Variants in MCPH1 observed in about 807,000 individuals in gnomAD.
MCPH1 encodes microcephalin 1.
Under a neutral mutation model 84.5 loss-of-function variants are expected in MCPH1, and 104 were observed. The observed-to-expected ratio is 1.23, with a 90% CI of 1.05 to 1.45. The LOEUF (loss-of-function observed/expected upper bound fraction) is 1.45, where lower values mean the gene tolerates loss of function less well. Among genes scored for constraint, MCPH1 ranks in the 40% most tolerant of loss-of-function variants. The probability of loss-of-function intolerance (pLI) is 0.00; values close to 1 mark genes in which losing one functional copy is unlikely to be tolerated. For synonymous variants in MCPH1, 514 were observed against 366.8 expected, an observed-to-expected ratio of 1.40 and a Z score of -4.58; for missense variants, 1,498 against 1,005.7, an observed-to-expected ratio of 1.49 and a Z score of -6.62.
intron 2 of MCPH1, among the ~76,000 whole-genome samples, chr8:6,412,696 CTTGTGGGAAG>C (rs1246074618): frequency 6.6e-6 from 1 of 152,120 alleles, no homozygotes; most frequent in Non-Finnish European, 1.5e-5. Flanking sequence ...TGATAAAAGC[CTTGTGGGAAG>C]ATGGTCTCAA....
chr8:6,568,200 A>C (rs574733982), intron 12 of MCPH1, among the ~76,000 whole-genome samples: 6 of 151,912 alleles, frequency 3.9e-5, no homozygotes, highest in African/African-American at 1.5e-4. Context: ...AGAAAAGCCA[A>C]AGGGCCTCCT....
intron 8 of MCPH1, among the ~76,000 whole-genome samples, chr8:6,452,756 C>A (rs1377234402): frequency 6.6e-6 from 1 of 152,212 alleles, no homozygotes; most frequent in Non-Finnish European, 1.5e-5. Context: ...AGGAAGAAAG[C>A]CTTCACCGGA....
Position 6,513,120 on chromosome 8 carries a change from G to A in MCPH1, c.2214+13191G>A, listed in dbSNP as rs184898826. ...ATGAAAGCCAATTATCTACCAGGCA[G>A]AGTTCTTCTAGGCTTTGAAGATACA... On this transcript the variant is annotated intron_variant, in intron 12 of 13. Coordinates refer to ENST00000344683, the MANE Select transcript of MCPH1 (RefSeq NM_024596.5). 4.9e-4 allele frequency among the ~76,000 whole-genome samples: 75 copies of A among 152,308 alleles called. 1 individual carries two copies. Among genetic ancestry groups the A allele is most frequent in the Admixed American group, 1.8e-3 (28 of 15,302 alleles).
chr8:6,591,613 G>A (rs1312968023), intron 12 of MCPH1, among the ~76,000 whole-genome samples: 1 of 152,170 alleles, frequency 6.6e-6, no homozygotes. Flanking sequence ...TGTGCTTTGT[G>A]GGTTGGGTGA....
intron 12 of MCPH1, among the ~76,000 whole-genome samples, chr8:6,596,264 C>T (rs962732517): frequency 3.3e-5 from 5 of 152,116 alleles, no homozygotes; most frequent in African/African-American, 9.7e-5. Flanking sequence ...TTTGGGTTTG[C>T]GTTTGCTCCC....
chr8:6,440,427 T>C (rs1322247554), intron 6 of MCPH1, among the ~76,000 whole-genome samples: 1 of 152,208 alleles, frequency 6.6e-6, no homozygotes, highest in Non-Finnish European at 1.5e-5. Flanking sequence ...AGAGTCTCCC[T>C]GTGTTGCGCA....
intron 12 of MCPH1, among the ~76,000 whole-genome samples, chr8:6,548,563 T>A (rs1285793408): frequency 6.6e-6 from 1 of 152,190 alleles, no homozygotes; most frequent in Non-Finnish European, 1.5e-5. Context: ...CCAGCCAAAC[T>A]TGCAAGGCAG....
At chr8:6,484,558 G>C (rs1324398126) in intron 11 of MCPH1, among the ~76,000 whole-genome samples, 1 of 152,240 alleles carries the variant, frequency 6.6e-6, no homozygotes, top group South Asian at 2.1e-4. Flanking sequence ...TGTTCACACA[G>C]AGTCTGTACG....
intron 11 of MCPH1, among the ~76,000 whole-genome samples, chr8:6,485,808 CAG>C (rs1410595035): frequency 6.6e-6 from 1 of 152,054 alleles, no homozygotes; most frequent in Non-Finnish European, 1.5e-5. Context: ...ATGACACAAA[CAG>C]ATATAAATAT....
chr8:6,514,416 T>C (rs1209023411), intron 12 of MCPH1, among the ~76,000 whole-genome samples: 1 of 152,148 alleles, frequency 6.6e-6, no homozygotes, highest in Non-Finnish European at 1.5e-5. Context: ...CTCAAACTCC[T>C]GACCTCAGGT....
intron 12 of MCPH1, among the ~76,000 whole-genome samples, chr8:6,515,075 T>C (rs2979672): frequency 0.36 from 54,980 of 151,092 alleles, 10,148 homozygotes; most frequent in Middle Eastern, 0.48. Flanking sequence ...TGATGGCTGG[T>C]CCAGAGATTG....
chr8:6,570,346 C>T (rs897834668), intron 12 of MCPH1, among the ~76,000 whole-genome samples: 40 of 152,294 alleles, frequency 2.6e-4, no homozygotes, highest in African/African-American at 8.7e-4. Context: ...CCGTAGAATT[C>T]CCCTTTGTAC....
Position 6,555,927 on chromosome 8 carries a change from A to C in MCPH1, c.2214+55998A>C, listed in dbSNP as rs139564523. Among the ~76,000 whole-genome samples, 653 of 152,260 alleles carry C rather than the reference A, an allele frequency of 4.3e-3. 13 individuals are homozygous for C. The highest frequency in any genetic ancestry group is 0.015 in the African/African-American group (609 of 41,546). ...TCCTAGCAGCTTCAGCACCATCCTC[A>C]CATAGAAGGGCTGGCATCTCACCTA... On this transcript the variant is annotated intron_variant, in intron 12 of 13. Transcript: ENST00000344683.
At chr8:6,500,877 T>G (rs980111129) in intron 12 of MCPH1, 8 of 152,248 alleles carry the variant, frequency 5.3e-5, no homozygotes, top group African/African-American at 1.9e-4. Flanking sequence ...TTTTATCACC[T>G]GCCTACAAAG....
At chr8:6,546,056 G>A (rs1051239485) in intron 12 of MCPH1, among the ~76,000 whole-genome samples, 1 of 152,226 alleles carries the variant, frequency 6.6e-6, no homozygotes, top group Non-Finnish European at 1.5e-5. Context: ...GTGAGTCCCA[G>A]TTCAGTTCCT....
At chr8:6,545,277 G>C (rs922636886) in intron 12 of MCPH1, among the ~76,000 whole-genome samples, 1 of 152,180 alleles carries the variant, frequency 6.6e-6, no homozygotes, top group Admixed American at 6.5e-5. Flanking sequence ...TTACATGAGT[G>C]AATCCATATT....
chr8:6,409,370 G>A lies in MCPH1; in HGVS notation c.114G>A (p.Lys38=), dbSNP rs1424158623. Residue 38 remains lysine, a splice_region_variant and synonymous_variant, in exon 2 of 14, where the codon AAG becomes AAA. Coordinates refer to ENST00000344683, the MANE Select transcript of MCPH1 (RefSeq NM_024596.5). ...FTTQLVDMGA[K]VSKTFNKQVT... is the part of the protein sequence containing the mutation. ...CACAGCTTGTGGATATGGGGGCAAA[G>A]GTAAGACACTTATTTTGCTGTTGAT... 6.2e-7 allele frequency: 1 copy of A among 1,604,838 alleles called. No individual in the cohort carries two copies. The highest frequency in any genetic ancestry group is 2.2e-5 in the East Asian group (1 of 44,796).
At chr8:6,576,722 T>TTTTTTTTC (rs1563148341) in intron 12 of MCPH1, among the ~76,000 whole-genome samples, 4 of 91,504 alleles carry the variant, frequency 4.4e-5, no homozygotes, top group African/African-American at 2.0e-4. Context: ...TTTTTTTTTT[T>TTTTTTTTC]TTTTTAGTAG....
At chr8:6,413,270 T>TACC (rs1798788781) in intron 2 of MCPH1, among the ~76,000 whole-genome samples, 1 of 151,994 alleles carries the variant, frequency 6.6e-6, no homozygotes. Context: ...AGTTGTCACT[T>TACC]ATTGTTTGCA....
Sources: gnomAD v4.1 joint callset for allele counts (sites outside exome capture counted in the v4.1 genomes callset) on GRCh38, gnomAD v4.1.1 for gene constraint, MANE v1.5 for transcripts, NCBI Gene and HGNC (gene_info 2026-07-23, HGNC 2026-07-21) for gene names.